The following NR1I2 variants were observed in gnomAD, a reference collection of about 807,000 sequenced individuals.
NR1I2 encodes the protein nuclear receptor subfamily 1 group I member 2.
Under a neutral mutation model 43.3 loss-of-function variants are expected in NR1I2, and 42 were observed. The observed-to-expected ratio is 0.97, with a 90% CI of 0.76 to 1.26. The LOEUF (loss-of-function observed/expected upper bound fraction) is 1.26. Among genes scored for constraint, NR1I2 ranks in the 50% most tolerant of loss-of-function variants. NR1I2 has a pLI of 0.00. For missense variants in NR1I2, 559 were observed against 566.7 expected (o/e 0.99, Z 0.14); for synonymous variants, 229 against 215.0 (o/e 1.06, Z -0.57).
chr3:119,814,250 C>G (rs2055285704), intron 5 of NR1I2, among the ~76,000 whole-genome samples: 1 of 152,130 alleles, frequency 6.6e-6, no homozygotes, highest in Non-Finnish European at 1.5e-5. Flanking sequence ...TGCCTCCTTA[C>G]TGGGGAGGTG....
chr3:119,786,821 C>T (rs115252114), intron 1 of NR1I2, among the ~76,000 whole-genome samples: 288 of 150,214 alleles, frequency 1.9e-3, no homozygotes, highest in African/African-American at 6.6e-3. Context: ...TGAGTTTCCT[C>T]TGGAGGCCTG....
intron 1 of NR1I2, among the ~76,000 whole-genome samples, chr3:119,804,523 C>T (rs2055125361): frequency 6.8e-6 from 1 of 147,672 alleles, no homozygotes; most frequent in African/African-American, 2.5e-5. Context: ...CGGCTCACTG[C>T]AGCCTCCGCC....
intron 1 of NR1I2, among the ~76,000 whole-genome samples, chr3:119,800,581 T>C (rs2055064521): frequency 6.6e-6 from 1 of 152,218 alleles, no homozygotes; most frequent in African/African-American, 2.4e-5. Flanking sequence ...ATAGGGTGTT[T>C]TTTGGTCGTT....
chr3:119,812,631 G>C, intron 4 of NR1I2, 55 bp from the exon 5 acceptor site: 1 of 1,608,742 alleles, frequency 6.2e-7, no homozygotes, highest in Non-Finnish European at 8.5e-7. Flanking sequence ...GTTGGGACCT[G>C]TCTATGAAAG....
chr3:119,812,814 G>T lies in NR1I2; in HGVS notation c.648G>T (p.Arg216=). ...CTTTGAAGGTCTCTCTGCAGCTGCG[G>T]GGGGAGGATGGCAGTGTCTGGAACT... Residue 216 remains arginine (R), a synonymous_variant, in exon 5 of 9, where the codon CGG becomes CGT. Transcript: ENST00000393716. 2 of 1,614,252 alleles carry T rather than the reference G, an allele frequency of 1.2e-6. No homozygotes were observed. The highest frequency in any genetic ancestry group is 1.7e-6 in the Non-Finnish European group (2 of 1,180,042).
Position 119,818,239 on chromosome 3 carries a change from T to A in NR1I2, c.*1027T>A, listed in dbSNP as rs12107248. The A allele has an allele frequency of 9.2e-4, 908 of 985,688 alleles. 2 individuals are homozygous for A. In the African/African-American group the frequency reaches 0.015, roughly 16 times the overall value. 61.1% of individuals were successfully genotyped at this position (985,688 alleles called of 1,614,324 possible). Reference sequence around the variant, plus strand: ...GTGACAAGGCTACGCTGACAATCAGTTAAACACACCGGAGAAGAACCATTT... The same window carrying A: ...GTGACAAGGCTACGCTGACAATCAGATAAACACACCGGAGAAGAACCATTT... On this transcript the variant is annotated 3_prime_UTR_variant, in exon 9 of 9. Transcript: ENST00000393716.
chr3:119,789,420 T>C (rs1045009110), intron 1 of NR1I2, among the ~76,000 whole-genome samples: 5 of 152,142 alleles, frequency 3.3e-5, no homozygotes, highest in Non-Finnish European at 5.9e-5. Flanking sequence ...TCTTACATGG[T>C]GTCAGGCAAG....
intron 1 of NR1I2, among the ~76,000 whole-genome samples, chr3:119,797,294 C>T (rs2055014893): frequency 6.6e-6 from 1 of 151,636 alleles, no homozygotes; most frequent in South Asian, 2.1e-4. Context: ...TACTGAAAAT[C>T]AGCATTCACA....
In NR1I2 at chr3:119,817,177, CT is replaced by C. The variant is rs754385679; in HGVS notation, c.1271del (p.Leu424ProfsTer59). On this transcript the variant is annotated frameshift_variant, in exon 9 of 9. Coordinates refer to ENST00000393716, the MANE Select transcript of NR1I2 (RefSeq NM_003889.4). LOFTEE classifies it high-confidence loss of function. ...GGACATACACCCCTTTGCTACGCCC[CT>C]CATGCAGGAGTTGTTCGGCATCACA... is the stretch of plus-strand genomic sequence containing the variant. 2.5e-6 allele frequency: 4 copies of C among 1,614,082 alleles called. No homozygotes were observed. The East Asian group carries it at 8.9e-5, about 36-fold the overall frequency.
At chr3:119,807,898 G>A (rs868845110) in intron 2 of NR1I2, among the ~76,000 whole-genome samples, 2 of 152,156 alleles carry the variant, frequency 1.3e-5, no homozygotes, top group African/African-American at 4.8e-5. Flanking sequence ...TGCACCCTCC[G>A]GAGGGCACAG....
Position 119,806,150 on chromosome 3 carries a change from A to C in NR1I2, c.-22-1079A>C, listed in dbSNP as rs573754257. Among the ~76,000 whole-genome samples, 3 of 152,298 alleles carry C rather than the reference A, an allele frequency of 2.0e-5. No homozygotes were observed. The East Asian group carries it at 5.8e-4, about 29-fold the overall frequency. The stretch of plus-strand genomic sequence containing the variant: ...TGCCCTTGTCAGTCAGTGCCTAGAG[A>C]GAATTTTGGGGATGGTAGTAACAGG... On this transcript the variant is annotated intron_variant, in intron 1 of 8. Coordinates refer to ENST00000393716, the MANE Select transcript of NR1I2 (RefSeq NM_003889.4).
At position 119,817,586 on chromosome 3, in the gene NR1I2, C is replaced by T; in HGVS notation, c.*374C>T. On this transcript the variant is annotated 3_prime_UTR_variant, in exon 9 of 9. Coordinates refer to ENST00000393716, the MANE Select transcript of NR1I2 (RefSeq NM_003889.4). ...AGGGACCAAGCGACCAAGGATGGGC[C>T]ATCTGGGGTCTATGCCCACATACCC... 2 of 1,170,024 alleles carry T rather than the reference C, an allele frequency of 1.7e-6. No homozygotes were observed. The highest frequency in any genetic ancestry group is 2.1e-6 in the Non-Finnish European group (2 of 934,242). The allele number at this position is 1,170,024 out of a possible 1,614,324, so 72.5% of individuals were successfully genotyped here.
intron 1 of NR1I2, among the ~76,000 whole-genome samples, chr3:119,783,420 C>A (rs1470810477): frequency 1.3e-5 from 2 of 152,040 alleles, no homozygotes; most frequent in Non-Finnish European, 2.9e-5. Flanking sequence ...AGGAATAGTG[C>A]CTGCTATAGC....
In NR1I2 at chr3:119,817,333, C is replaced by T; in HGVS notation, c.*121C>T. The T allele has an allele frequency of 6.4e-7, 1 of 1,573,936 alleles. No homozygotes were observed. Among genetic ancestry groups the T allele is most frequent in the Non-Finnish European group, 8.6e-7 (1 of 1,164,950 alleles). ...CCGACAATGCCCTGCTGGCCTGTCT[C>T]CCTAGGGAATTCCTGCTATGACAGC... is the stretch of plus-strand genomic sequence containing the variant. On this transcript the variant is annotated 3_prime_UTR_variant, in exon 9 of 9. Transcript: ENST00000393716.
rs1364758081 is a variant in NR1I2, at chr3:119,810,145, C to T, written c.282C>T (p.Cys94=). 6.2e-7 allele frequency: 1 copy of T among 1,613,068 alleles called. No individual in the cohort carries two copies. The highest frequency in any genetic ancestry group is 8.5e-7 in the Non-Finnish European group (1 of 1,179,778). The change falls in exon 3 of 9, where the codon TGC becomes TGT. Residue 94 remains cysteine (C), a synonymous_variant. Coordinates refer to ENST00000393716, the MANE Select transcript of NR1I2 (RefSeq NM_003889.4). The stretch of plus-strand genomic sequence containing the variant: ...TCACCCGGAAGACCCGGCGACAGTG[C>T]CAGGCCTGCCGCCTGCGCAAGTGCC...
chr3:119,816,812 T>C (rs1427082497), intron 8 of NR1I2, among the ~76,000 whole-genome samples: 4 of 136,938 alleles, frequency 2.9e-5, no homozygotes, highest in Non-Finnish European at 6.1e-5. Context: ...CAGAACGAGA[T>C]CCTGTCCCTT....
chr3:119,782,648 T>C, intron 1 of NR1I2: 2 of 794,206 alleles, frequency 2.5e-6, no homozygotes, highest in Non-Finnish European at 4.4e-6. Context: ...AAATACCACC[T>C]CCAAGGACTG....
In NR1I2 at chr3:119,817,961, AAC is replaced by A. The variant is rs1176172762; in HGVS notation, c.*753_*754del. ...GTTTATAGTTAAAAAAACAAACAGA[AAC>A]ACAAACGATTTGGATCAAAAGGAGA... On this transcript the variant is annotated 3_prime_UTR_variant, in exon 9 of 9. Coordinates refer to ENST00000393716, the MANE Select transcript of NR1I2 (RefSeq NM_003889.4). 3.0e-6 allele frequency: 3 copies of A among 985,214 alleles called. No individual in the cohort carries two copies. Among genetic ancestry groups the A allele is most frequent in the African/African-American group, 1.7e-5 (1 of 57,344 alleles). The allele number at this position is 985,214 out of a possible 1,614,324, so 61.0% of individuals were successfully genotyped here.
chr3:119,798,033 A>C (rs2055024118), intron 1 of NR1I2, among the ~76,000 whole-genome samples: 1 of 151,978 alleles, frequency 6.6e-6, no homozygotes, highest in Admixed American at 6.6e-5. Flanking sequence ...ATCGATTCCC[A>C]GCAATTTTAC....
Sources: allele counts gnomAD v4.1 joint callset (sites outside exome capture counted in the v4.1 genomes callset), GRCh38; gene constraint gnomAD v4.1.1; transcripts MANE v1.5; gene names NCBI Gene and HGNC (gene_info 2026-07-23, HGNC 2026-07-21).